Variants in KDM4C observed in about 807,000 individuals in gnomAD.
KDM4C encodes lysine-specific demethylase 4C.
A neutral mutation model predicts 129.3 loss-of-function variants in KDM4C; 81 were observed. The ratio of observed to expected loss-of-function variants is 0.63; its 90% CI spans 0.52 to 0.75. KDM4C has a LOEUF of 0.75. Ranked by LOEUF, KDM4C falls within the 30% of genes least tolerant of loss-of-function variation. KDM4C has a pLI of 0.00. For synonymous variants in KDM4C, 573 were observed against 456.1 expected (o/e 1.26, Z -3.26); for missense variants, 1,457 against 1,304.0 (o/e 1.12, Z -1.81).
In KDM4C at chr9:7,089,804, G is replaced by C. The variant is rs76881757; in HGVS notation, c.2425-13881G>C. On this transcript the variant is annotated intron_variant, in intron 17 of 21. Coordinates refer to ENST00000381309, the MANE Select transcript of KDM4C (RefSeq NM_015061.6). ...AAAAAACCCAGAAAAACAAAACCTT[G>C]CCATATTTTGCTGGCTCGGCCTTTC... Among the ~76,000 whole-genome samples the C allele has an allele frequency of 1.4e-3, 212 of 152,304 alleles. 2 individuals carry two copies. The highest frequency in any genetic ancestry group is 4.8e-3 in the African/African-American group (198 of 41,562).
At chr9:7,121,381 GAGAA>G (rs1287258171) in intron 18 of KDM4C, among the ~76,000 whole-genome samples, 1 of 152,158 alleles carries the variant, frequency 6.6e-6, no homozygotes, top group Non-Finnish European at 1.5e-5. Flanking sequence ...GGTTCTTAGA[GAGAA>G]AGCAGAAGTG....
chr9:6,790,071 T>C (rs1826236603), intron 1 of KDM4C, among the ~76,000 whole-genome samples: 1 of 149,112 alleles, frequency 6.7e-6, no homozygotes, highest in Non-Finnish European at 1.5e-5. Flanking sequence ...GGTCAGGAGT[T>C]TGAGATCAGC....
chr9:6,873,995 T>G (rs1488270156), intron 5 of KDM4C, among the ~76,000 whole-genome samples: 2 of 146,144 alleles, frequency 1.4e-5, no homozygotes, highest in African/African-American at 5.1e-5. Flanking sequence ...GACGGAGCAG[T>G]CAGAACACAC....
chr9:6,854,525 C>CAAA (rs1177446839), intron 5 of KDM4C, among the ~76,000 whole-genome samples: 4,570 of 40,892 alleles, frequency 0.11, 273 homozygotes, highest in Non-Finnish European at 0.17. Flanking sequence ...AACTCCGTCT[C>CAAA]AAAAAAAAAA....
At position 6,762,919 on chromosome 9, in the gene KDM4C, A is replaced by G. The variant is rs117378700; in HGVS notation, c.-18+4716A>G. ...GGTGATCCACCCCCTCACCCTCCCAAATTACTGGGGGATTACAGGCATGAG... is the reference window on the plus strand; with the variant it reads ...GGTGATCCACCCCCTCACCCTCCCAGATTACTGGGGGATTACAGGCATGAG... On this transcript the variant is annotated intron_variant, in intron 1 of 21. Transcript: ENST00000381309. 3.5e-3 allele frequency among the ~76,000 whole-genome samples: 533 copies of G among 151,768 alleles called. 2 individuals carry two copies. The highest frequency in any genetic ancestry group is 5.8e-3 in the Non-Finnish European group (391 of 67,928).
intron 8 of KDM4C, among the ~76,000 whole-genome samples, chr9:6,972,370 A>G (rs1218854910): frequency 3.3e-5 from 5 of 151,974 alleles, no homozygotes; most frequent in Non-Finnish European, 7.4e-5. Flanking sequence ...ATATGATTAT[A>G]TTTTCTCCCA....
chr9:7,165,468 C>A lies in KDM4C; in HGVS notation c.2901+111C>A, dbSNP rs182540560. On this transcript the variant is annotated intron_variant, in intron 20 of 21. Coordinates refer to ENST00000381309, the MANE Select transcript of KDM4C (RefSeq NM_015061.6). ...TAAGCCACATGAATTTGGGACACCT[C>A]TTATTTTATGCAGGAGGCAAAGATT... 2.4e-6 allele frequency: 3 copies of A among 1,228,340 alleles called. No individual in the cohort carries two copies. The East Asian group carries it at 7.2e-5, about 29-fold the overall frequency. The allele number at this position is 1,228,340 out of a possible 1,614,324, so 76.1% of individuals were successfully genotyped here.
chr9:7,169,755 G>A (rs1224470905), intron 20 of KDM4C, 43 bp from the exon 21 acceptor site: 4 of 1,490,756 alleles, frequency 2.7e-6, no homozygotes, highest in South Asian at 1.2e-5. Context: ...AATGGTCAGT[G>A]CTGTTTTTTT....
At chr9:6,951,285 T>C (rs1828097654) in intron 8 of KDM4C, among the ~76,000 whole-genome samples, 1 of 152,210 alleles carries the variant, frequency 6.6e-6, no homozygotes, top group African/African-American at 2.4e-5. Context: ...TATCTAGCTG[T>C]AACTTTGTAT....
At chr9:7,170,228 A>C (rs1844825487) in intron 21 of KDM4C, 1 of 1,184,960 alleles carries the variant, frequency 8.4e-7, no homozygotes. Context: ...CAATCTTGTT[A>C]GTAGAAGCAA....
At chr9:6,919,528 CATCTGTCTGTCTGTCTGTCTATCT>C (rs1821044104) in intron 8 of KDM4C, among the ~76,000 whole-genome samples, 1 of 83,346 alleles carries the variant, frequency 1.2e-5, no homozygotes, top group Admixed American at 1.5e-4. Flanking sequence ...CTTTCAATTT[CATCTGTCTGTCTGTCTGTCTATCT>C]ATCTATCTAT....
intron 3 of KDM4C, among the ~76,000 whole-genome samples, chr9:6,808,863 A>G (rs538620808): frequency 1.5e-4 from 23 of 152,106 alleles, no homozygotes; most frequent in African/African-American, 5.3e-4. Flanking sequence ...TGTTGTCACA[A>G]TTATTATTAT....
chr9:7,124,327 T>C (rs1839815884), intron 18 of KDM4C, among the ~76,000 whole-genome samples: 1 of 152,228 alleles, frequency 6.6e-6, no homozygotes, highest in South Asian at 2.1e-4. Flanking sequence ...GTTTTTCAGT[T>C]TGACAGAGAG....
At chr9:6,796,600 G>T (rs575120843) in intron 2 of KDM4C, among the ~76,000 whole-genome samples, 1 of 152,274 alleles carries the variant, frequency 6.6e-6, no homozygotes, top group African/African-American at 2.4e-5. Context: ...CACCTGCGTC[G>T]CTGTCTGCAT....
In KDM4C at chr9:6,812,931, G is replaced by A. The variant is rs545093716; in HGVS notation, c.321-1700G>A. 7.2e-5 allele frequency among the ~76,000 whole-genome samples: 11 copies of A among 152,290 alleles called. No individual in the cohort carries two copies. The South Asian group carries it at 8.3e-4, about 11-fold the overall frequency. The stretch of plus-strand genomic sequence containing the variant: ...TGGCTCTCGCCTGTAAATCCCAGGA[G>A]TTGGGAGGCCGATGCAGGCGGATCA... On this transcript the variant is annotated intron_variant, in intron 3 of 21. Transcript: ENST00000381309.
chr9:6,835,246 T>C (rs1835673090), intron 4 of KDM4C: 3 of 905,874 alleles, frequency 3.3e-6, no homozygotes, highest in South Asian at 1.3e-5. Flanking sequence ...CCAGCTTTCC[T>C]TCCTGGGCAT....
At chr9:6,841,652 G>C in intron 4 of KDM4C, among the ~76,000 whole-genome samples, 1 of 152,202 alleles carries the variant, frequency 6.6e-6, no homozygotes, top group East Asian at 1.9e-4. Context: ...AAGTGTTTCA[G>C]TAATCATCCA....
intron 1 of KDM4C, among the ~76,000 whole-genome samples, chr9:6,751,614 T>A (rs1818065798): frequency 6.6e-6 from 1 of 152,160 alleles, no homozygotes; most frequent in Non-Finnish European, 1.5e-5. Context: ...GGACCCAAAC[T>A]ATATTAACAT....
intron 1 of KDM4C, among the ~76,000 whole-genome samples, chr9:6,739,941 G>A (rs1405800766): frequency 6.6e-6 from 1 of 152,092 alleles, no homozygotes; most frequent in Admixed American, 6.6e-5. Context: ...CCAGGCTGGA[G>A]TGCAGTGGTG....
Sources: allele counts gnomAD v4.1 joint callset (sites outside exome capture counted in the v4.1 genomes callset), GRCh38; gene constraint gnomAD v4.1.1; transcripts MANE v1.5; gene names NCBI Gene and HGNC (gene_info 2026-07-23, HGNC 2026-07-21).